Variants in SIK2 observed in about 807,000 individuals in gnomAD.
SIK2 encodes the protein salt inducible kinase 2.
SIK2 carries 29 observed loss-of-function variants against 103.2 expected under a neutral mutation model. That is an observed-to-expected ratio of 0.28 (90% CI 0.21 to 0.38). SIK2 has a LOEUF of 0.38. SIK2 is among the 10% of genes least tolerant of loss of function. The pLI is 1.00. For missense variants in SIK2, 879 were observed against 1,171.0 expected, an observed-to-expected ratio of 0.75 and a Z score of 3.64; for synonymous variants, 412 against 446.1, an observed-to-expected ratio of 0.92 and a Z score of 0.96.
chr11:111,665,871 A>G (rs1942533029), intron 3 of SIK2, among the ~76,000 whole-genome samples: 1 of 152,166 alleles, frequency 6.6e-6, no homozygotes, highest in Admixed American at 6.5e-5. Flanking sequence ...AAAAAAAGAA[A>G]AGAAATATTG....
chr11:111,611,117 TGC>T (rs1565305718), intron 1 of SIK2, among the ~76,000 whole-genome samples: 1 of 150,282 alleles, frequency 6.7e-6, no homozygotes, highest in Non-Finnish European at 1.5e-5. Flanking sequence ...TGTGTGTGTG[TGC>T]ACACCTGTAG....
chr11:111,606,592 T>C (rs1377113213), intron 1 of SIK2, among the ~76,000 whole-genome samples: 1 of 152,174 alleles, frequency 6.6e-6, no homozygotes, highest in African/African-American at 2.4e-5. Flanking sequence ...ACAATTCCCT[T>C]ATTAATGAAT....
intron 3 of SIK2, among the ~76,000 whole-genome samples, chr11:111,624,769 G>C (rs1160222949): frequency 6.6e-6 from 1 of 152,212 alleles, no homozygotes; most frequent in African/African-American, 2.4e-5. Flanking sequence ...GGTTGGTTGG[G>C]AGGCATGGGA....
At chr11:111,710,351 GT>G (rs1287749901) in intron 8 of SIK2, among the ~76,000 whole-genome samples, 1 of 152,068 alleles carries the variant, frequency 6.6e-6, no homozygotes, top group Non-Finnish European at 1.5e-5. Context: ...TTGTTTATTT[GT>G]TTTGGGGCAT....
chr11:111,677,830 T>G (rs1942725375), intron 3 of SIK2, among the ~76,000 whole-genome samples: 1 of 152,242 alleles, frequency 6.6e-6, no homozygotes, highest in Non-Finnish European at 1.5e-5. Flanking sequence ...ACCATTGTCA[T>G]AGAGGTGCTT....
chr11:111,606,956 G>A (rs77020085), intron 1 of SIK2, among the ~76,000 whole-genome samples: 428 of 138,876 alleles, frequency 3.1e-3, no homozygotes, highest in Middle Eastern at 0.015. Flanking sequence ...TCATTAAAAA[G>A]AAAAAAAAAA....
intron 3 of SIK2, among the ~76,000 whole-genome samples, chr11:111,642,643 G>A (rs543597659): frequency 6.6e-6 from 1 of 152,150 alleles, no homozygotes; most frequent in South Asian, 2.1e-4. Flanking sequence ...TACATCATTG[G>A]CCTTTGATGA....
At chr11:111,672,375 G>A (rs1475338899) in intron 3 of SIK2, 2 of 521,146 alleles carry the variant, frequency 3.8e-6, no homozygotes, top group Non-Finnish European at 6.1e-6. Context: ...TGGACACCTT[G>A]TAGGACTTCT....
rs1011878817 is a variant in SIK2 at position 111,727,864 on chromosome 11, G to C, written c.*3735G>C. ...GGGCAGTTGAGGATGCAAGGACACAGTGAGTGAGTGGCGCTCCTTTTTGGG... is the reference window on the plus strand; with the variant it reads ...GGGCAGTTGAGGATGCAAGGACACACTGAGTGAGTGGCGCTCCTTTTTGGG... On this transcript the variant is annotated 3_prime_UTR_variant, in exon 15 of 15. Transcript: ENST00000304987. 1 of 152,306 alleles carries C rather than the reference G, an allele frequency of 6.6e-6. No individual in the cohort carries two copies. Among genetic ancestry groups the C allele is most frequent in the African/African-American group, 2.4e-5 (1 of 41,452 alleles). 9.4% of individuals were successfully genotyped at this position (152,306 alleles called of 1,614,324 possible). A position where few individuals can be genotyped will look rare whatever the true frequency, so the allele number is the denominator to read the frequency against.
chr11:111,624,986 G>GGT (rs1331725287), intron 3 of SIK2, among the ~76,000 whole-genome samples: 1 of 152,080 alleles, frequency 6.6e-6, no homozygotes, highest in Non-Finnish European at 1.5e-5. Context: ...CAGTGTGCTT[G>GGT]GTGTGTCCAA....
At chr11:111,712,421 AT>A (rs1199573317) in intron 9 of SIK2, 46 bp downstream of exon 9, 1 of 1,575,950 alleles carries the variant, frequency 6.3e-7, no homozygotes, top group African/African-American at 1.4e-5. Flanking sequence ...TTGGCGAGAG[AT>A]TTCAGTTTGG....
At chr11:111,633,947 A>C (rs1942071915) in intron 3 of SIK2, among the ~76,000 whole-genome samples, 1 of 152,186 alleles carries the variant, frequency 6.6e-6, no homozygotes, top group Non-Finnish European at 1.5e-5. Context: ...AAAGTTATTC[A>C]CTATTCCTAC....
intron 3 of SIK2, among the ~76,000 whole-genome samples, chr11:111,625,943 T>C (rs1316243565): frequency 6.6e-6 from 1 of 152,238 alleles, no homozygotes; most frequent in African/African-American, 2.4e-5. Context: ...AGGCATCATT[T>C]CTATGAAAAT....
intron 3 of SIK2, among the ~76,000 whole-genome samples, chr11:111,641,517 T>C (rs985258507): frequency 3.3e-5 from 5 of 152,230 alleles, no homozygotes; most frequent in African/African-American, 1.2e-4. Flanking sequence ...TCTTATTTTC[T>C]GCTTTTGTTT....
At chr11:111,640,367 TGC>T (rs1307043522) in intron 3 of SIK2, among the ~76,000 whole-genome samples, 1 of 152,234 alleles carries the variant, frequency 6.6e-6, no homozygotes, top group Admixed American at 6.5e-5. Context: ...TAATCTCTTT[TGC>T]CCTGCCTATG....
intron 4 of SIK2, among the ~76,000 whole-genome samples, chr11:111,697,386 C>T (rs1305917603): frequency 6.6e-6 from 1 of 152,082 alleles, no homozygotes; most frequent in Non-Finnish European, 1.5e-5. Flanking sequence ...GAATGTTGTC[C>T]CCCATTCCCT....
chr11:111,611,248 CAAA>C (rs68177301), intron 1 of SIK2, among the ~76,000 whole-genome samples: 3 of 143,166 alleles, frequency 2.1e-5, no homozygotes, highest in Non-Finnish European at 3.1e-5. Context: ...GACCCTGTCT[CAAA>C]AAAAAAAAAA....
chr11:111,646,129 T>C (rs1314219001), intron 3 of SIK2, among the ~76,000 whole-genome samples: 2 of 151,418 alleles, frequency 1.3e-5, no homozygotes, highest in Non-Finnish European at 2.9e-5. Context: ...TGAGGTATGA[T>C]TGACATACAA....
intron 8 of SIK2, among the ~76,000 whole-genome samples, chr11:111,708,871 G>A (rs1811036183): frequency 6.6e-6 from 1 of 152,132 alleles, no homozygotes; most frequent in South Asian, 2.1e-4. Context: ...TGCAGGACCT[G>A]ATGAAGGTCA....
Sources: gnomAD v4.1 joint callset for allele counts (sites outside exome capture counted in the v4.1 genomes callset) on GRCh38, gnomAD v4.1.1 for gene constraint, MANE v1.5 for transcripts, NCBI Gene and HGNC (gene_info 2026-07-23, HGNC 2026-07-21) for gene names.